ETFBKMT: variants seen among roughly 807,000 people sequenced by gnomAD.
ETFBKMT encodes electron transfer flavoprotein beta subunit lysine methyltransferase.
A neutral mutation model predicts 18.3 loss-of-function variants in ETFBKMT; 13 were observed. The ratio of observed to expected loss-of-function variants is 0.71; its 90% CI spans 0.46 to 1.13. The LOEUF is 1.13. ETFBKMT is among the 50% of genes most tolerant of loss of function. The pLI is 0.00. For synonymous variants in ETFBKMT, 84 were observed against 107.9 expected (o/e 0.78, Z 1.37); for missense variants, 293 against 306.2 (o/e 0.96, Z 0.32).
upstream of ETFBKMT, among the ~76,000 whole-genome samples, chr12:31,655,924 T>G (rs1951058273): frequency 6.6e-6 from 1 of 152,224 alleles, no homozygotes; most frequent in Non-Finnish European, 1.5e-5. Flanking sequence ...GTCAGGACAT[T>G]AGACTGTACT....
chr12:31,660,864 C>T (rs372480898), intron 1 of ETFBKMT: 1 of 152,178 alleles, frequency 6.6e-6, no homozygotes, highest in African/African-American at 2.4e-5. Context: ...TGTGTTTGCC[C>T]TGTTAACTGC....
At chr12:31,651,313 T>C (rs554857894) in intron 1 of ETFBKMT, among the ~76,000 whole-genome samples, 2 of 150,934 alleles carry the variant, frequency 1.3e-5, no homozygotes, top group African/African-American at 4.9e-5. Context: ...TTCCCTTTTT[T>C]TTTTTTTCTT....
At chr12:31,667,587 A>T (rs747086145) in intron 3 of ETFBKMT, 60 bp from the exon 4 acceptor site, 1 of 1,179,652 alleles carries the variant, frequency 8.5e-7, no homozygotes, top group Non-Finnish European at 1.2e-6. Context: ...TATTTAATCA[A>T]CATGGAATTA....
intron 2 of ETFBKMT, among the ~76,000 whole-genome samples, chr12:31,663,669 G>A (rs1348693704): frequency 2.0e-5 from 3 of 152,214 alleles, no homozygotes; most frequent in African/African-American, 7.2e-5. Context: ...AGTTTGTTAA[G>A]CAGAATGCAA....
chr12:31,664,449 A>T (rs1951167901), intron 2 of ETFBKMT, among the ~76,000 whole-genome samples: 1 of 152,180 alleles, frequency 6.6e-6, no homozygotes, highest in Non-Finnish European at 1.5e-5. Context: ...TCTGGAACAT[A>T]CTAAGTATTC....
At chr12:31,661,236 C>T (rs191262607) in intron 1 of ETFBKMT, among the ~76,000 whole-genome samples, 1 of 152,294 alleles carries the variant, frequency 6.6e-6, no homozygotes, top group East Asian at 1.9e-4. Context: ...CGGAACCAAT[C>T]ACTTGAGGAT....
chr12:31,648,365 T>G (rs1212975466), intron 1 of ETFBKMT, among the ~76,000 whole-genome samples: 2 of 149,324 alleles, frequency 1.3e-5, no homozygotes, highest in African/African-American at 2.5e-5. Flanking sequence ...AAATAGTTTT[T>G]TTTTTTTTTT....
chr12:31,653,759 C>A (rs1189164543), intron 1 of ETFBKMT, among the ~76,000 whole-genome samples: 2 of 152,064 alleles, frequency 1.3e-5, no homozygotes, highest in Non-Finnish European at 2.9e-5. Flanking sequence ...ACCAGCCTGG[C>A]CAACATGGCG....
chr12:31,657,151 G>A (rs1213989395), upstream of ETFBKMT, among the ~76,000 whole-genome samples: 1 of 152,210 alleles, frequency 6.6e-6, no homozygotes, highest in African/African-American at 2.4e-5. Context: ...ACAAAGTTGT[G>A]TAGGGAATAG....
chr12:31,651,592 A>C (rs1201917764), intron 1 of ETFBKMT, among the ~76,000 whole-genome samples: 1 of 152,148 alleles, frequency 6.6e-6, no homozygotes, highest in Admixed American at 6.5e-5. Context: ...TCCGCCTCCC[A>C]AAGTGCTGAG....
At chr12:31,657,719 G>A (rs1826051637), upstream of ETFBKMT, among the ~76,000 whole-genome samples, 1 of 148,400 alleles carries the variant, frequency 6.7e-6, no homozygotes, top group African/African-American at 2.5e-5. Context: ...TTGAACCCAG[G>A]AGGCAGAGGT....
chr12:31,650,805 CTG>C (rs1951010828), intron 1 of ETFBKMT, among the ~76,000 whole-genome samples: 1 of 152,114 alleles, frequency 6.6e-6, no homozygotes, highest in African/African-American at 2.4e-5. Context: ...ACTTGAGAGA[CTG>C]TCATTGCAGG....
rs1951265810 is a variant in ETFBKMT at position 31,671,338 on chromosome 12, A to G, written c.*3348A>G. 1 of 152,172 alleles carries G rather than the reference A, an allele frequency of 6.6e-6. No homozygotes were observed. The highest frequency in any genetic ancestry group is 1.5e-5 in the Non-Finnish European group (1 of 68,024). The allele number at this position is 152,172 out of a possible 1,614,324, so 9.4% of individuals were successfully genotyped here. ...AATGGAGTTGAATAAGTACCCCCCA[A>G]CATATACAAGAAAGTTAGCATACTT... On this transcript the variant is annotated 3_prime_UTR_variant, in exon 4 of 4. Transcript: ENST00000357721.
intron 1 of ETFBKMT, among the ~76,000 whole-genome samples, chr12:31,650,922 GA>G (rs1350837543): frequency 6.6e-6 from 1 of 152,142 alleles, no homozygotes; most frequent in Non-Finnish European, 1.5e-5. Context: ...TTCTTAGGAA[GA>G]AACGTTTACT....
intron 1 of ETFBKMT, among the ~76,000 whole-genome samples, chr12:31,647,638 G>C (rs1489333766): frequency 2.0e-5 from 3 of 152,130 alleles, no homozygotes; most frequent in African/African-American, 7.2e-5. Context: ...AGATCAGCCT[G>C]GCCAACATGG....
rs1951249916 is a variant in ETFBKMT, at chr12:31,670,240, C to T, written c.*2250C>T. The T allele has an allele frequency of 6.6e-6, 1 of 152,210 alleles. No homozygotes were observed. The highest frequency in any genetic ancestry group is 2.4e-5 in the African/African-American group (1 of 41,448). 9.4% of individuals were successfully genotyped at this position (152,210 alleles called of 1,614,324 possible). On this transcript the variant is annotated 3_prime_UTR_variant, in exon 4 of 4. Transcript: ENST00000357721. ...ATGTTCCTATTGGTACTGGCTCCAG[C>T]AACAGGCTTCTGCTCCCTGTAAGCT...
At chr12:31,651,420 C>G (rs1951017165) in intron 1 of ETFBKMT, among the ~76,000 whole-genome samples, 1 of 151,670 alleles carries the variant, frequency 6.6e-6, no homozygotes, top group Non-Finnish European at 1.5e-5. Context: ...AGTGAGGCAA[C>G]CCGGGTTCAA....
intron 1 of ETFBKMT, chr12:31,660,824 C>T (rs1310276466): frequency 6.6e-6 from 1 of 152,186 alleles, no homozygotes; most frequent in Non-Finnish European, 1.5e-5. Flanking sequence ...ACCCCCAGAA[C>T]TCTTGGCTAG....
chr12:31,666,318 T>A, intron 3 of ETFBKMT, 101 bp downstream of exon 3: 1 of 1,261,044 alleles, frequency 7.9e-7, no homozygotes, highest in Non-Finnish European at 1.1e-6. Flanking sequence ...TTATATGTAT[T>A]TTGTGATTGG....
Sources: allele counts gnomAD v4.1 joint callset (sites outside exome capture counted in the v4.1 genomes callset), GRCh38; gene constraint gnomAD v4.1.1; transcripts MANE v1.5; gene names NCBI Gene and HGNC (gene_info 2026-07-23, HGNC 2026-07-21).